The following TASOR2 variants were observed in gnomAD, a reference collection of about 807,000 sequenced individuals.
The protein encoded by TASOR2 is protein TASOR 2.
In TASOR2, 84 loss-of-function variants were observed where a neutral mutation model predicts 199.5. The ratio of observed to expected loss-of-function variants is 0.42; its 90% confidence interval spans 0.35 to 0.50. The LOEUF is 0.50. Ranked by LOEUF, TASOR2 falls within the 20% of genes least tolerant of loss-of-function variation. The pLI is 0.02. For missense variants in TASOR2, 2,796 were observed against 2,835.9 expected, an observed-to-expected ratio of 0.99 and a Z score of 0.32; for synonymous variants, 1,103 against 1,046.6, an observed-to-expected ratio of 1.05 and a Z score of -1.04.
At position 5,754,416 on chromosome 10, in the gene TASOR2, T is replaced by A. The variant is rs183567659; in HGVS notation, c.6607-2197T>A. Among the ~76,000 whole-genome samples the A allele has an allele frequency of 5.9e-4, 89 of 151,352 alleles. No individual in the cohort carries two copies. Among genetic ancestry groups the A allele is most frequent in the Non-Finnish European group, 9.9e-4 (67 of 67,696 alleles). ...TTTTTTTTTTTTAATTGAGATGAAGTTTTGCTCTTGTCGCCCAGGCTGGAG... is the reference window on the plus strand; with the variant it reads ...TTTTTTTTTTTTAATTGAGATGAAGATTTGCTCTTGTCGCCCAGGCTGGAG... On this transcript the variant is annotated intron_variant, in intron 15 of 20. Transcript: ENST00000328090. The surrounding 1 kb of genome is among the most constrained non-coding windows in gnomAD (Gnocchi z 4.3).
In TASOR2 at chr10:5,730,675, C is replaced by G; in HGVS notation, c.676C>G (p.Pro226Ala). ...CAGAAGCCCTTCATTGAGTGTTGCT[C>G]CTCAGGATAGAATGAAAGACCCTAC... The change falls in exon 11 of 21, where the codon CCT (proline) becomes GCT (alanine). Residue 226 changes from proline to alanine, a missense_variant. Transcript: ENST00000328090. The surrounding 1 kb of genome is among the most constrained non-coding windows in gnomAD (Gnocchi z 4.1). 1 of 1,614,174 alleles carries G rather than the reference C, an allele frequency of 6.2e-7. No homozygotes were observed. The highest frequency in any genetic ancestry group is 8.5e-7 in the Non-Finnish European group (1 of 1,180,022).
intron 17 of TASOR2, among the ~76,000 whole-genome samples, chr10:5,758,023 A>G (rs1839217012): frequency 1.3e-5 from 2 of 152,096 alleles, no homozygotes; most frequent in Non-Finnish European, 2.9e-5. Context: ...CTTAAAGTCA[A>G]CCTTCTCCAT....
chr10:5,753,492 A>G (rs1838369921), intron 15 of TASOR2, among the ~76,000 whole-genome samples: 1 of 152,118 alleles, frequency 6.6e-6, no homozygotes, highest in Non-Finnish European at 1.5e-5. Context: ...CCTCCGGAGT[A>G]GCTGGGACTA....
At chr10:5,745,180 A>G (rs1837008070) in intron 14 of TASOR2, among the ~76,000 whole-genome samples, 2 of 152,214 alleles carry the variant, frequency 1.3e-5, no homozygotes, top group South Asian at 4.1e-4. Context: ...AGCTCTGCTA[A>G]TGTTTAACCT....
exon 15 of TASOR2, chr10:5,749,615 G>T (rs45596231): frequency 0.011 from 18,096 of 1,614,104 alleles, 113 homozygotes; most frequent in Non-Finnish European, 0.013. Context: ...AGTCTGGACA[G>T]CTCTTCCTCT....
At chr10:5,757,630 C>T in exon 17 of TASOR2, 1 of 1,613,760 alleles carries the variant, frequency 6.2e-7, no homozygotes, top group Non-Finnish European at 8.5e-7. Flanking sequence ...GTGCAGGAGG[C>T]TTTGTGATAT....
intron 16 of TASOR2, 101 bp from the exon 18 acceptor site, chr10:5,757,419 G>A (rs1469897546): frequency 2.5e-6 from 3 of 1,177,164 alleles, no homozygotes; most frequent in Non-Finnish European, 3.6e-6. Flanking sequence ...ATTTTCAGTT[G>A]TTCCTGAACC....
chr10:5,758,961 A>G, exon 18 of TASOR2: 2 of 1,614,060 alleles, frequency 1.2e-6, no homozygotes, highest in Non-Finnish European at 1.7e-6. Context: ...GCTTCACTAC[A>G]GGGAAAATAA....
rs1412703615 is a variant in TASOR2 at position 5,746,939 on chromosome 10, C to G, written c.3518C>G (p.Pro1173Arg). Residue 1173 changes from proline (P) to arginine (R), a missense_variant, in exon 15 of 21, where the codon CCC (proline) becomes CGC (arginine). Transcript: ENST00000328090. ...GCTAAAAGTTCTAGTCATCTATCAC[C>G]CAGTGAAGAAGTGAGATGCACTCAG... 12 of 1,614,046 alleles carry G rather than the reference C, an allele frequency of 7.4e-6. No individual in the cohort carries two copies. The South Asian group carries it at 7.7e-5, about 10-fold the overall frequency.
chr10:5,746,163 AC>A lies in TASOR2; in HGVS notation c.2758-15del. The stretch of plus-strand genomic sequence containing the variant: ...ATATGACTGATTTTTTTTTTTTTTT[AC>A]TTTGGCCGTTTCAGGTAACTGGGGA... On this transcript the variant is annotated splice_polypyrimidine_tract_variant and intron_variant, in intron 14 of 20. Transcript: ENST00000328090. 2 of 1,287,446 alleles carry A rather than the reference AC, an allele frequency of 1.6e-6. No homozygotes were observed. The highest frequency in any genetic ancestry group is 2.0e-6 in the Non-Finnish European group (2 of 1,013,994). The allele number at this position is 1,287,446 out of a possible 1,614,324, so 79.8% of individuals were successfully genotyped here.
exon 21 of TASOR2, chr10:5,763,715 T>C (rs2131674225): frequency 6.6e-6 from 1 of 152,356 alleles, no homozygotes; most frequent in South Asian, 2.1e-4. Flanking sequence ...GTGTTTCATT[T>C]TTTAAATAAA....
chr10:5,693,972 C>T (rs7097144), intron 1 of TASOR2, among the ~76,000 whole-genome samples: 43,079 of 151,866 alleles, frequency 0.28, 6,607 homozygotes, highest in Non-Finnish European at 0.34. Flanking sequence ...ATAATAATTC[C>T]ATGTTCTAAT....
In TASOR2 at chr10:5,722,462, A is replaced by G. The variant is rs1833493943; in HGVS notation, c.147-1215A>G. 6.6e-6 allele frequency among the ~76,000 whole-genome samples: 1 copy of G among 152,118 alleles called. No individual in the cohort carries two copies. Among genetic ancestry groups the G allele is most frequent in the Admixed American group, 6.5e-5 (1 of 15,276 alleles). On this transcript the variant is annotated intron_variant, in intron 6 of 20. Coordinates refer to ENST00000328090, the Ensembl canonical transcript of TASOR2. This position sits in a 1 kb window ranked among gnomAD's most constrained non-coding sequence, Gnocchi z 4.0. Reference sequence around the variant, plus strand: ...CAGAGTGAAACCTTATCTCAAAAAAAGAAAAGAAAAAATTTCCTGTTTAAA... The same window carrying G: ...CAGAGTGAAACCTTATCTCAAAAAAGGAAAAGAAAAAATTTCCTGTTTAAA...
At chr10:5,688,724 T>G (rs1212283899) in intron 1 of TASOR2, among the ~76,000 whole-genome samples, 1 of 151,868 alleles carries the variant, frequency 6.6e-6, no homozygotes, top group Non-Finnish European at 1.5e-5. Flanking sequence ...TTCAGAAAAT[T>G]GGTTGGGTGC....
Position 5,738,890 on chromosome 10 carries a change from G to A in TASOR2, c.1448-728G>A, listed in dbSNP as rs1445907726. On this transcript the variant is annotated intron_variant, in intron 12 of 20. Coordinates refer to ENST00000328090, the Ensembl canonical transcript of TASOR2. The surrounding 1 kb of genome is among the most constrained non-coding windows in gnomAD (Gnocchi z 4.7). ...GTAAATGTTCTGATTAAGGGCATAT[G>A]GATAGATTTGATTATCTGTAAAAGG... Among the ~76,000 whole-genome samples the A allele has an allele frequency of 6.6e-6, 1 of 152,174 alleles. No homozygotes were observed. The highest frequency in any genetic ancestry group is 1.5e-5 in the Non-Finnish European group (1 of 68,042).
chr10:5,750,140 A>C lies in TASOR2; in HGVS notation c.6606+113A>C. On this transcript the variant is annotated intron_variant, in intron 15 of 20. Transcript: ENST00000328090. The surrounding 1 kb of genome is among the most constrained non-coding windows in gnomAD (Gnocchi z 5.4). ...GAAATCATGGTATGACATAGTATTT[A>C]AATTTCACAGCTTAGTCTTTATCTG... The C allele has an allele frequency of 8.6e-7, 1 of 1,164,154 alleles. No individual in the cohort carries two copies. The highest frequency in any genetic ancestry group is 1.2e-6 in the Non-Finnish European group (1 of 856,362). The allele number at this position is 1,164,154 out of a possible 1,614,324, so 72.1% of individuals were successfully genotyped here.
intron 7 of TASOR2, 141 bp from the exon 9 acceptor site, chr10:5,724,289 T>C (rs1433399580): frequency 1.3e-5 from 5 of 396,944 alleles, no homozygotes; most frequent in African/African-American, 2.2e-5. Flanking sequence ...GGGAGTTTTA[T>C]AACCAAGAAC....
chr10:5,733,706 T>C lies in TASOR2; in HGVS notation c.1205-1598T>C, dbSNP rs147161913. On this transcript the variant is annotated intron_variant, in intron 11 of 20. Transcript: ENST00000328090. ...TCTTCCTTTTCTGTTTGTACAAATA[T>C]TAGAAAGTTTCCCCCTGGGTCTTGG... Among the ~76,000 whole-genome samples the C allele has an allele frequency of 5.2e-3, 799 of 152,350 alleles. 7 individuals are homozygous for C. Among genetic ancestry groups the C allele is most frequent in the African/African-American group, 0.018 (765 of 41,568 alleles).
intron 18 of TASOR2, 38 bp downstream of exon 19, chr10:5,759,030 C>G: frequency 6.8e-7 from 1 of 1,472,164 alleles, no homozygotes; most frequent in Non-Finnish European, 9.5e-7. Context: ...TCCTGCCCTG[C>G]TGGGGTAGCA....
Sources: allele counts gnomAD v4.1 joint callset (sites outside exome capture counted in the v4.1 genomes callset), GRCh38; gene constraint gnomAD v4.1.1; non-coding constraint Gnocchi (gnomAD v3.1); transcripts MANE v1.5; gene names NCBI Gene and HGNC (gene_info 2026-07-23, HGNC 2026-07-21).